RIMS2: variants seen among roughly 807,000 people sequenced by gnomAD.
The protein encoded by RIMS2 is regulating synaptic membrane exocytosis 2, also known as regulating synaptic membrane exocytosis protein 2.
Under a neutral mutation model 174.4 loss-of-function variants are expected in RIMS2, and 59 were observed. The observed-to-expected ratio is 0.34, with a 90% CI of 0.27 to 0.42. RIMS2 has a LOEUF of 0.42. Ranked by LOEUF, RIMS2 falls within the 10% of genes least tolerant of loss-of-function variation. The pLI is 1.00. For missense variants in RIMS2, 1,620 were observed against 1,666.3 expected, an observed-to-expected ratio of 0.97 and a Z score of 0.48; for synonymous variants, 606 against 572.5, an observed-to-expected ratio of 1.06 and a Z score of -0.84.
exon 23 of RIMS2, chr8:104,251,028 G>A (rs143698299): frequency 6.6e-5 from 107 of 1,612,506 alleles, no homozygotes; most frequent in Non-Finnish European, 7.5e-5. Flanking sequence ...CCCAAGCACC[G>A]TATGTAAAAG....
At chr8:104,103,143 T>C (rs1411235459) in intron 19 of RIMS2, among the ~76,000 whole-genome samples, 1 of 152,088 alleles carries the variant, frequency 6.6e-6, no homozygotes, top group African/African-American at 2.4e-5. Context: ...AAAGGCCATA[T>C]ATTGTATTAT....
At chr8:103,501,024 G>A (rs1483210716) in exon 1 of RIMS2, 1 of 1,610,310 alleles carries the variant, frequency 6.2e-7, no homozygotes, top group Admixed American at 1.7e-5. Flanking sequence ...TCATGGATAG[G>A]CAGAAGAAAG....
intron 19 of RIMS2, among the ~76,000 whole-genome samples, chr8:104,027,739 T>A (rs544789838): frequency 6.6e-6 from 1 of 152,152 alleles, no homozygotes; most frequent in African/African-American, 2.4e-5. Context: ...AATCAAGTGA[T>A]GTAATGAGTA....
intron 19 of RIMS2, among the ~76,000 whole-genome samples, chr8:104,186,841 C>G (rs1472630650): frequency 6.6e-6 from 1 of 151,674 alleles, no homozygotes; most frequent in African/African-American, 2.4e-5. Flanking sequence ...AGTCAGGATC[C>G]AAAAGTAACA....
intron 2 of RIMS2, among the ~76,000 whole-genome samples, chr8:103,705,282 A>T (rs1187955281): frequency 6.6e-6 from 1 of 151,824 alleles, no homozygotes; most frequent in East Asian, 1.9e-4. Flanking sequence ...ACTGATTTTG[A>T]ATTTGTTCCT....
In RIMS2 at chr8:104,248,842, A is replaced by G. The variant is rs550082019; in HGVS notation, c.3589+29A>G. 18 of 1,121,430 alleles carry G rather than the reference A, an allele frequency of 1.6e-5. No individual in the cohort carries two copies. In the East Asian group the frequency reaches 3.5e-4, roughly 22 times the overall value. 69.5% of individuals were successfully genotyped at this position (1,121,430 alleles called of 1,614,324 possible). ...AGAATTTCTGCCACATGATTTCACT[A>G]TTTTGTTTTAGATTGTTGAAAATGA... On this transcript the variant is annotated intron_variant, in intron 21 of 23. Transcript: ENST00000504942.
chr8:104,130,255 T>C (rs2098463860), intron 19 of RIMS2, among the ~76,000 whole-genome samples: 1 of 152,218 alleles, frequency 6.6e-6, no homozygotes. Context: ...AAATTCATTA[T>C]GTCAGATGCA....
intron 1 of RIMS2, among the ~76,000 whole-genome samples, chr8:103,667,597 G>T (rs768120004): frequency 6.6e-6 from 1 of 152,156 alleles, no homozygotes; most frequent in African/African-American, 2.4e-5. Flanking sequence ...CCATAAATAA[G>T]GTTGGCTGCA....
intron 1 of RIMS2, among the ~76,000 whole-genome samples, chr8:103,574,071 T>C (rs1360105776): frequency 6.9e-6 from 1 of 144,970 alleles, no homozygotes; most frequent in Non-Finnish European, 1.5e-5. Context: ...CAGTAAGCAA[T>C]ACTTTTTTTT....
chr8:103,783,599 A>G (rs1280220782), intron 3 of RIMS2, among the ~76,000 whole-genome samples: 1 of 151,954 alleles, frequency 6.6e-6, no homozygotes, highest in Admixed American at 6.6e-5. Context: ...ACATGAACTC[A>G]TCATTTTTTA....
intron 16 of RIMS2, among the ~76,000 whole-genome samples, chr8:103,984,696 G>A (rs1012922213): frequency 6.6e-6 from 1 of 152,200 alleles, no homozygotes; most frequent in African/African-American, 2.4e-5. Context: ...TCCCACTGGT[G>A]GGTATATACC....
intron 19 of RIMS2, among the ~76,000 whole-genome samples, chr8:104,194,353 C>A (rs193041953): frequency 1.3e-5 from 2 of 152,116 alleles, no homozygotes; most frequent in Non-Finnish European, 2.9e-5. Context: ...ACTTTCTGTG[C>A]TCTTATAGTG....
At chr8:103,731,918 C>A (rs1484550156) in intron 2 of RIMS2, among the ~76,000 whole-genome samples, 2 of 152,142 alleles carry the variant, frequency 1.3e-5, no homozygotes, top group African/African-American at 4.8e-5. Context: ...TATGAAAGGT[C>A]ACATATCTGT....
chr8:103,665,306 G>T (rs956081724), intron 1 of RIMS2, among the ~76,000 whole-genome samples: 9 of 152,312 alleles, frequency 5.9e-5, no homozygotes, highest in East Asian at 5.8e-4. Context: ...TTCTTTCATA[G>T]TTCATAAGTG....
At chr8:103,882,562 G>T (rs572936458) in intron 3 of RIMS2, among the ~76,000 whole-genome samples, 1 of 151,348 alleles carries the variant, frequency 6.6e-6, no homozygotes, top group East Asian at 1.9e-4. Context: ...CCCAATTTCC[G>T]ATTATAACCA....
chr8:103,588,358 G>C (rs1192836951), intron 1 of RIMS2, among the ~76,000 whole-genome samples: 1 of 151,794 alleles, frequency 6.6e-6, no homozygotes, highest in Non-Finnish European at 1.5e-5. Flanking sequence ...CAGATTCAAG[G>C]CAATCCCTTT....
chr8:103,753,608 C>G (rs918902151), intron 2 of RIMS2, among the ~76,000 whole-genome samples: 22 of 152,124 alleles, frequency 1.4e-4, no homozygotes, highest in Non-Finnish European at 3.2e-4. Flanking sequence ...ATTTCAGAGC[C>G]TATTATTGGT....
chr8:103,571,876 A>G (rs1398139802), intron 1 of RIMS2, among the ~76,000 whole-genome samples: 1 of 152,192 alleles, frequency 6.6e-6, no homozygotes, highest in Non-Finnish European at 1.5e-5. Flanking sequence ...AAAGACACAC[A>G]GCTTCCATAT....
At chr8:103,735,901 G>A (rs2097679455) in intron 2 of RIMS2, among the ~76,000 whole-genome samples, 1 of 151,994 alleles carries the variant, frequency 6.6e-6, no homozygotes, top group East Asian at 1.9e-4. Context: ...TAAAGATATT[G>A]AGTTTTAAAT....
Sources: allele counts gnomAD v4.1 joint callset (sites outside exome capture counted in the v4.1 genomes callset), GRCh38; gene constraint gnomAD v4.1.1; transcripts MANE v1.5; gene names NCBI Gene and HGNC (gene_info 2026-07-23, HGNC 2026-07-21).